The following MEF2C variants were observed in gnomAD, a reference collection of about 807,000 sequenced individuals.
MEF2C encodes the protein myocyte-specific enhancer factor 2C.
In MEF2C, 6 loss-of-function variants were observed where a neutral mutation model predicts 50.5. The observed-to-expected ratio is 0.12, with a 90% CI of 0.07 to 0.23. The LOEUF is 0.23. Among genes scored for constraint, MEF2C ranks in the 10% least tolerant of loss-of-function variants. The pLI, the probability that MEF2C is intolerant of heterozygous loss-of-function variation, is 1.00. For synonymous variants in MEF2C, 183 were observed against 228.0 expected, an observed-to-expected ratio of 0.80 and a Z score of 1.78; for missense variants, 276 against 605.0, an observed-to-expected ratio of 0.46 and a Z score of 5.70.
Position 88,717,756 on chromosome 5 carries a change from T to C in MEF2C, c.*4848A>G, listed in dbSNP as rs1755128365. On this transcript the variant is annotated 3_prime_UTR_variant, in exon 11 of 11. Transcript: ENST00000504921. ...TATTATTGAATGTTAATAATGGATA[T>C]ATTTGATAGTCTCTAAAATGTATGA... 6.6e-6 allele frequency: 1 copy of C among 152,232 alleles called. No individual in the cohort carries two copies. Among genetic ancestry groups the C allele is most frequent in the Admixed American group, 6.5e-5 (1 of 15,284 alleles). 9.4% of individuals were successfully genotyped at this position (152,232 alleles called of 1,614,324 possible). A position where few individuals can be genotyped will look rare whatever the true frequency, so the allele number is the denominator to read the frequency against.
chr5:88,776,565 T>C (rs1784855739), intron 3 of MEF2C, among the ~76,000 whole-genome samples: 1 of 151,392 alleles, frequency 6.6e-6, no homozygotes, highest in Non-Finnish European at 1.5e-5. Context: ...ACTTAGAAAA[T>C]GTTTAAAAAT....
Position 88,853,997 on chromosome 5 carries a change from TG to T in MEF2C, c.-143+28957del, listed in dbSNP as rs200323819. Among the ~76,000 whole-genome samples, 1,337 of 152,276 alleles carry T rather than the reference TG, an allele frequency of 8.8e-3. 42 individuals carry two copies. Among genetic ancestry groups the T allele is most frequent in the Admixed American group, 0.065 (995 of 15,296 alleles). On this transcript the variant is annotated intron_variant, in intron 1 of 10. Coordinates refer to ENST00000504921, the MANE Select transcript of MEF2C (RefSeq NM_002397.5). Reference sequence around the variant, plus strand: ...ACCACAATCATTCCTAATTTTTACATGGGGGCAAAATCTGAGGAAGAACTGT... The same window carrying T: ...ACCACAATCATTCCTAATTTTTACATGGGGCAAAATCTGAGGAAGAACTGT...
chr5:88,781,832 G>A (rs565591992), intron 3 of MEF2C, among the ~76,000 whole-genome samples: 1 of 152,264 alleles, frequency 6.6e-6, no homozygotes, highest in African/African-American at 2.4e-5. Flanking sequence ...AATTAGCCAG[G>A]TGTGGTGGCA....
chr5:88,732,677 C>A (rs1025115460), intron 6 of MEF2C: 2 of 152,152 alleles, frequency 1.3e-5, no homozygotes, highest in African/African-American at 2.4e-5. Flanking sequence ...AAGTGGGTAT[C>A]CCAAGGTCTG....
At chr5:88,730,888 T>C (rs546784578) in intron 7 of MEF2C, among the ~76,000 whole-genome samples, 20 of 152,318 alleles carry the variant, frequency 1.3e-4, no homozygotes, top group African/African-American at 4.3e-4. Flanking sequence ...ATGATCTAAA[T>C]TTGTCTACCG....
chr5:88,743,637 T>A, intron 6 of MEF2C: 3 of 985,118 alleles, frequency 3.0e-6, no homozygotes, highest in Non-Finnish European at 3.6e-6. Context: ...AGTACTAAGT[T>A]CAAAGGTGCT....
chr5:88,848,918 C>A (rs578217429), intron 1 of MEF2C, among the ~76,000 whole-genome samples: 3 of 151,898 alleles, frequency 2.0e-5, no homozygotes, highest in African/African-American at 7.3e-5. Context: ...TTTGGGATGC[C>A]GAGGCAGGTG....
intron 1 of MEF2C, among the ~76,000 whole-genome samples, chr5:88,835,706 G>C (rs1354844964): frequency 6.6e-6 from 1 of 151,394 alleles, no homozygotes; most frequent in African/African-American, 2.4e-5. Context: ...CCAGCTGCTC[G>C]GGAGGCTGAG....
chr5:88,787,674 C>T (rs1369817132), intron 3 of MEF2C, among the ~76,000 whole-genome samples: 2 of 152,110 alleles, frequency 1.3e-5, no homozygotes, highest in Non-Finnish European at 2.9e-5. Context: ...TTATTTTTCC[C>T]CCACATGAAA....
At chr5:88,747,333 CT>C (rs950842424) in intron 6 of MEF2C, among the ~76,000 whole-genome samples, 76 of 21,742 alleles carry the variant, frequency 3.5e-3, no homozygotes, top group African/African-American at 8.0e-3. Context: ...TTTTTTACTA[CT>C]TTTTTTTTTT....
At chr5:88,723,203 A>G (rs1307517294) in intron 10 of MEF2C, among the ~76,000 whole-genome samples, 2 of 152,284 alleles carry the variant, frequency 1.3e-5, no homozygotes, top group Non-Finnish European at 2.9e-5. Flanking sequence ...ATAGGTTACC[A>G]TTTCAGAAAG....
chr5:88,807,988 C>T lies in MEF2C; in HGVS notation c.55-3187G>A, dbSNP rs527868109. 2.3e-3 allele frequency among the ~76,000 whole-genome samples: 350 copies of T among 152,140 alleles called. 2 individuals are homozygous for T. The highest frequency in any genetic ancestry group is 6.8e-3 in the Middle Eastern group (2 of 294). ...CTTTATTGATTGTCTTTCTAAAGTA[C>T]TTCTGAAAAAATATAGCTAGTGTTT... On this transcript the variant is annotated intron_variant, in intron 2 of 10. Transcript: ENST00000504921.
chr5:88,726,049 A>G (rs892821314), intron 10 of MEF2C, among the ~76,000 whole-genome samples: 3 of 152,164 alleles, frequency 2.0e-5, no homozygotes, highest in African/African-American at 7.2e-5. Flanking sequence ...TTGGTTAGAT[A>G]AAATCAGATA....
At chr5:88,886,046 T>C (rs1306250901), upstream of MEF2C, among the ~76,000 whole-genome samples, 1 of 152,136 alleles carries the variant, frequency 6.6e-6, no homozygotes, top group Non-Finnish European at 1.5e-5. Flanking sequence ...AATTTGAAAA[T>C]AATTTGGATC....
chr5:88,813,577 A>G (rs1209973455), intron 2 of MEF2C, among the ~76,000 whole-genome samples: 1 of 152,070 alleles, frequency 6.6e-6, no homozygotes, highest in East Asian at 1.9e-4. Context: ...GACCTTTAGA[A>G]ACAGCAGCTA....
intron 1 of MEF2C, among the ~76,000 whole-genome samples, chr5:88,828,233 C>T (rs1272011538): frequency 6.6e-6 from 1 of 151,916 alleles, no homozygotes; most frequent in Non-Finnish European, 1.5e-5. Flanking sequence ...GTGAAACTGC[C>T]ATGCCACATT....
At chr5:88,751,470 G>C (rs1032632026) in intron 5 of MEF2C, 14 of 985,250 alleles carry the variant, frequency 1.4e-5, no homozygotes, top group Non-Finnish European at 1.6e-5. Context: ...TACTATCACA[G>C]AACACAGGGG....
At chr5:88,730,710 G>C (rs1761086804) in intron 7 of MEF2C, among the ~76,000 whole-genome samples, 1 of 152,166 alleles carries the variant, frequency 6.6e-6, no homozygotes, top group Admixed American at 6.5e-5. Context: ...ATATTTATTA[G>C]ACCCAGTTTT....
intron 2 of MEF2C, among the ~76,000 whole-genome samples, chr5:88,820,406 C>G (rs1035509326): frequency 6.6e-6 from 1 of 151,898 alleles, no homozygotes; most frequent in African/African-American, 2.4e-5. Context: ...TTCCCTACTT[C>G]CATTATGAAA....
Sources: gnomAD v4.1 joint callset for allele counts (sites outside exome capture counted in the v4.1 genomes callset) on GRCh38, gnomAD v4.1.1 for gene constraint, MANE v1.5 for transcripts, NCBI Gene and HGNC (gene_info 2026-07-23, HGNC 2026-07-21) for gene names.